TMEM132C: variants seen among roughly 807,000 people sequenced by gnomAD.
The protein encoded by TMEM132C is protein phosphatase 1, regulatory subunit 152.
A neutral mutation model predicts 61.4 loss-of-function variants in TMEM132C; 29 were observed. The observed-to-expected ratio is 0.47, with a 90% CI of 0.35 to 0.64. TMEM132C has a LOEUF of 0.64. Ranked by LOEUF, TMEM132C falls within the 30% of genes least tolerant of loss-of-function variation. The probability of loss-of-function intolerance (pLI) is 0.00; values close to 1 mark genes in which losing one functional copy is unlikely to be tolerated. For synonymous variants in TMEM132C, 656 were observed against 633.1 expected (o/e 1.04, Z -0.54); for missense variants, 1,408 against 1,476.9 (o/e 0.95, Z 0.76).
chr12:128,363,845 GA>G (rs528314942), intron 1 of TMEM132C, among the ~76,000 whole-genome samples: 2,899 of 101,352 alleles, frequency 0.029, 92 homozygotes, highest in African/African-American at 0.098. Flanking sequence ...ACTCTGTCTC[GA>G]AAAAAAAAAA....
chr12:128,665,949 G>GCACA (rs904729277), intron 4 of TMEM132C, among the ~76,000 whole-genome samples: 2 of 98,756 alleles, frequency 2.0e-5, no homozygotes, highest in Non-Finnish European at 2.0e-5. Context: ...ACAAACACAG[G>GCACA]CACACACACA....
intron 1 of TMEM132C, among the ~76,000 whole-genome samples, chr12:128,310,465 C>T (rs965349789): frequency 2.6e-5 from 4 of 152,012 alleles, no homozygotes; most frequent in Admixed American, 2.0e-4. Context: ...AGCTTCCAAT[C>T]GTGGCAGAAA....
intron 1 of TMEM132C, among the ~76,000 whole-genome samples, chr12:128,358,493 TTGTGTGTGTG>T (rs58748919): frequency 4.8e-5 from 7 of 144,898 alleles, no homozygotes; most frequent in South Asian, 2.3e-4. Flanking sequence ...ACTTTTAAAA[TTGTGTGTGTG>T]TGTGTGTGTG....
intron 3 of TMEM132C, among the ~76,000 whole-genome samples, chr12:128,598,509 G>A (rs1876050884): frequency 6.6e-6 from 1 of 151,960 alleles, no homozygotes; most frequent in African/African-American, 2.4e-5. Context: ...CAGCAATGAT[G>A]CAGGATCCCA....
At chr12:128,595,225 G>A (rs1047764644) in intron 3 of TMEM132C, among the ~76,000 whole-genome samples, 2 of 152,148 alleles carry the variant, frequency 1.3e-5, no homozygotes, top group Admixed American at 1.3e-4. Flanking sequence ...TGTTCACAGC[G>A]TCTGCCTGCA....
intron 4 of TMEM132C, among the ~76,000 whole-genome samples, chr12:128,668,769 T>C (rs1158701339): frequency 1.3e-5 from 2 of 152,162 alleles, no homozygotes; most frequent in East Asian, 1.9e-4. Flanking sequence ...CTTCTCCAGC[T>C]TGCTTCTAGA....
At chr12:128,390,578 C>G (rs1311047596) in intron 1 of TMEM132C, among the ~76,000 whole-genome samples, 2 of 152,194 alleles carry the variant, frequency 1.3e-5, no homozygotes, top group Non-Finnish European at 2.9e-5. Context: ...CTGCCTCCAC[C>G]TGTAGCCGCA....
intron 1 of TMEM132C, among the ~76,000 whole-genome samples, chr12:128,303,244 A>T (rs1441468299): frequency 6.6e-6 from 1 of 152,220 alleles, no homozygotes; most frequent in Non-Finnish European, 1.5e-5. Flanking sequence ...GGATACTATG[A>T]CAGCAGGAAT....
chr12:128,366,817 G>A (rs1377542959), intron 1 of TMEM132C, among the ~76,000 whole-genome samples: 3 of 152,220 alleles, frequency 2.0e-5, no homozygotes, highest in Non-Finnish European at 4.4e-5. Context: ...TGCGTGCAGA[G>A]TTACATACTA....
At chr12:128,661,435 G>A (rs557480469) in intron 4 of TMEM132C, among the ~76,000 whole-genome samples, 25 of 152,240 alleles carry the variant, frequency 1.6e-4, no homozygotes, top group Non-Finnish European at 2.5e-4. Flanking sequence ...AGGGAAGGAC[G>A]GCCTCACACG....
At chr12:128,609,353 C>T (rs879865079) in intron 3 of TMEM132C, among the ~76,000 whole-genome samples, 2 of 151,282 alleles carry the variant, frequency 1.3e-5, no homozygotes, top group Non-Finnish European at 2.9e-5. Flanking sequence ...ATCCTCCCAC[C>T]TCAGCCTCCC....
intron 1 of TMEM132C, among the ~76,000 whole-genome samples, chr12:128,347,217 G>A (rs971102633): frequency 6.6e-6 from 1 of 152,006 alleles, no homozygotes; most frequent in Non-Finnish European, 1.5e-5. Context: ...TAGAATAATG[G>A]ACTCCAACTC....
intron 2 of TMEM132C, among the ~76,000 whole-genome samples, chr12:128,488,415 C>T (rs1871577116): frequency 6.6e-6 from 1 of 152,300 alleles, no homozygotes; most frequent in African/African-American, 2.4e-5. Context: ...AATCCCAGCA[C>T]TTTGGGAGGC....
At chr12:128,465,124 A>G (rs1472919161) in intron 2 of TMEM132C, among the ~76,000 whole-genome samples, 1 of 151,884 alleles carries the variant, frequency 6.6e-6, no homozygotes, top group Non-Finnish European at 1.5e-5. Flanking sequence ...TTCTGTCCAA[A>G]TGTCTCCTTC....
intron 1 of TMEM132C, among the ~76,000 whole-genome samples, chr12:128,357,554 G>T (rs1873549607): frequency 6.6e-6 from 1 of 151,964 alleles, no homozygotes; most frequent in Non-Finnish European, 1.5e-5. Context: ...AATTAGCCAG[G>T]TGTGGTGGCA....
chr12:128,531,553 A>T (rs1335796443), intron 2 of TMEM132C, among the ~76,000 whole-genome samples: 1 of 152,214 alleles, frequency 6.6e-6, no homozygotes, highest in Non-Finnish European at 1.5e-5. Context: ...ATGCATACAC[A>T]CACATAACCA....
intron 1 of TMEM132C, among the ~76,000 whole-genome samples, chr12:128,381,901 C>T (rs1874412125): frequency 6.6e-6 from 1 of 152,146 alleles, no homozygotes; most frequent in African/African-American, 2.4e-5. Context: ...GGGGAGTTTG[C>T]TTTTAAGAGG....
chr12:128,590,033 A>C (rs1875697771), intron 3 of TMEM132C, among the ~76,000 whole-genome samples: 1 of 152,228 alleles, frequency 6.6e-6, no homozygotes, highest in Non-Finnish European at 1.5e-5. Context: ...CATTGAATGA[A>C]CCATTATAAC....
chr12:128,478,683 T>C (rs1593067965), intron 2 of TMEM132C, among the ~76,000 whole-genome samples: 1 of 152,192 alleles, frequency 6.6e-6, no homozygotes, highest in East Asian at 1.9e-4. Flanking sequence ...CTTCAAGCAC[T>C]CTCAGTGCCA....
Sources: gnomAD v4.1 joint callset for allele counts (sites outside exome capture counted in the v4.1 genomes callset) on GRCh38, gnomAD v4.1.1 for gene constraint, MANE v1.5 for transcripts, NCBI Gene and HGNC (gene_info 2026-07-23, HGNC 2026-07-21) for gene names.